RGS6: variants seen among roughly 807,000 people sequenced by gnomAD.
RGS6 encodes regulator of G-protein signaling 6.
Under a neutral mutation model 78.5 loss-of-function variants are expected in RGS6, and 30 were observed. That is an observed-to-expected ratio of 0.38 (90% confidence interval 0.29 to 0.52). RGS6 has a LOEUF of 0.52. RGS6 is among the 20% of genes least tolerant of loss of function. The probability of loss-of-function intolerance (pLI) is 0.85; values close to 1 mark genes in which losing one functional copy is unlikely to be tolerated. For synonymous variants in RGS6, 206 were observed against 206.0 expected, an observed-to-expected ratio of 1.00 and a Z score of 0.00; for missense variants, 495 against 609.7, an observed-to-expected ratio of 0.81 and a Z score of 1.98.
intron 3 of RGS6, among the ~76,000 whole-genome samples, chr14:72,451,945 T>A (rs540377994): frequency 6.6e-6 from 1 of 152,038 alleles, no homozygotes; most frequent in Non-Finnish European, 1.5e-5. Context: ...AGAGACGGGG[T>A]TTCACCATGT....
intron 2 of RGS6, among the ~76,000 whole-genome samples, chr14:72,158,793 A>G (rs1170901567): frequency 6.6e-6 from 1 of 152,238 alleles, no homozygotes; most frequent in East Asian, 1.9e-4. Flanking sequence ...AGGGAACCTA[A>G]GATTTGGGAC....
In RGS6 at chr14:71,981,164, T is replaced by A. The variant is rs923744910; in HGVS notation, c.84+16289T>A. On this transcript the variant is annotated intron_variant, in intron 2 of 17. Transcript: ENST00000553525. ...TGATTATTCTAGTTATACATTCTTC[T>A]AAATTTTTTTCAAAGTTTTCAACTT... Among the ~76,000 whole-genome samples, 3 of 149,056 alleles carry A rather than the reference T, an allele frequency of 2.0e-5. No homozygotes were observed. In the Admixed American group the frequency reaches 2.0e-4, roughly 10 times the overall value.
rs1289861857 is a variant in RGS6 at position 72,472,760 on chromosome 14, A to G, written c.537-112A>G. The G allele has an allele frequency of 6.9e-6, 5 of 729,898 alleles. No homozygotes were observed. In the Admixed American group the frequency reaches 7.0e-5, roughly 10 times the overall value. The allele number at this position is 729,898 out of a possible 1,614,324, so 45.2% of individuals were successfully genotyped here. On this transcript the variant is annotated intron_variant, in intron 8 of 17. Coordinates refer to ENST00000553525, the MANE Select transcript of RGS6 (RefSeq NM_001204424.2). ...GAGAGCAGGCACCATGCAGGTACCA[A>G]TGGCCTTGTGTTCACTTAGCCCCTA... is the stretch of plus-strand genomic sequence containing the variant.
intron 2 of RGS6, among the ~76,000 whole-genome samples, chr14:71,970,763 C>T (rs527751213): frequency 1.3e-5 from 2 of 152,216 alleles, no homozygotes; most frequent in South Asian, 2.1e-4. Flanking sequence ...GCCCACAGGC[C>T]AGCTGGGGGT....
intron 3 of RGS6, among the ~76,000 whole-genome samples, chr14:72,449,095 G>T (rs949361997): frequency 2.0e-5 from 3 of 152,176 alleles, no homozygotes; most frequent in African/African-American, 7.2e-5. Flanking sequence ...ACCCAGAGGT[G>T]CAGCAGAGGC....
the RGS6 span, among the ~76,000 whole-genome samples, chr14:71,875,559 C>T: frequency 2.7e-3 from 408 of 152,148 alleles, 1 homozygote; most frequent in Middle Eastern, 0.017. Flanking sequence ...GTCTTGCTAG[C>T]GGTCTATCAA....
chr14:71,891,832 C>A, the RGS6 span, among the ~76,000 whole-genome samples: 1 of 152,104 alleles, frequency 6.6e-6, no homozygotes, highest in African/African-American at 2.4e-5. Context: ...CCCAGCACCT[C>A]CTTGTATTTT....
the RGS6 span, among the ~76,000 whole-genome samples, chr14:71,920,837 G>A: frequency 7.6e-3 from 1,153 of 152,206 alleles, 15 homozygotes; most frequent in African/African-American, 0.027. Context: ...CACAGGCAAC[G>A]AAAGCAAAAA....
At chr14:72,160,181 C>A (rs1025250009) in intron 2 of RGS6, among the ~76,000 whole-genome samples, 4 of 152,166 alleles carry the variant, frequency 2.6e-5, no homozygotes, top group African/African-American at 9.6e-5. Flanking sequence ...CTTCCCTGGG[C>A]AACTGGAAAT....
At chr14:72,337,823 A>C (rs2076318417) in intron 2 of RGS6, among the ~76,000 whole-genome samples, 1 of 152,240 alleles carries the variant, frequency 6.6e-6, no homozygotes, top group Non-Finnish European at 1.5e-5. Flanking sequence ...AGATGCTGGT[A>C]TTTATCCCAC....
At chr14:72,299,009 T>C (rs1157228811) in intron 2 of RGS6, among the ~76,000 whole-genome samples, 2 of 152,192 alleles carry the variant, frequency 1.3e-5, no homozygotes, top group African/African-American at 4.8e-5. Context: ...TTTTGTTCTT[T>C]TCAGTCTTTG....
rs566464448 is a variant in RGS6 at position 72,540,716 on chromosome 14, G to A, written c.1422+622G>A. Reference sequence around the variant, plus strand: ...TGTGCACAGTGTGATAGGGAGAGGAGGGAAGTAGCTGAATCCCTGCGGTGT... The same window carrying A: ...TGTGCACAGTGTGATAGGGAGAGGAAGGAAGTAGCTGAATCCCTGCGGTGT... On this transcript the variant is annotated intron_variant, in intron 17 of 17. Coordinates refer to ENST00000553525, the MANE Select transcript of RGS6 (RefSeq NM_001204424.2). 76 of 1,339,166 alleles carry A rather than the reference G, an allele frequency of 5.7e-5. No homozygotes were observed. In the African/African-American group the frequency reaches 1.0e-3, roughly 18 times the overall value. 83.0% of individuals were successfully genotyped at this position (1,339,166 alleles called of 1,614,324 possible). A position where few individuals can be genotyped will look rare whatever the true frequency, so the allele number is the denominator to read the frequency against.
rs138140447 is a variant in RGS6 at position 72,041,845 on chromosome 14, T to C, written c.84+76970T>C. 5.1e-3 allele frequency among the ~76,000 whole-genome samples: 778 copies of C among 152,196 alleles called. 4 individuals are homozygous for C. Among genetic ancestry groups the C allele is most frequent in the African/African-American group, 0.016 (678 of 41,544 alleles). The stretch of plus-strand genomic sequence containing the variant: ...GCATCCTATTTTGTAATCTTACTTA[T>C]ATCACCTCCCAGGAAGATCAAATTT... On this transcript the variant is annotated intron_variant, in intron 2 of 17. Transcript: ENST00000553525.
chr14:72,445,152 TG>T (rs367904225), intron 3 of RGS6, among the ~76,000 whole-genome samples: 1 of 152,338 alleles, frequency 6.6e-6, no homozygotes, highest in African/African-American at 2.4e-5. Context: ...ACCTAATATT[TG>T]TTTAAGTAGT....
At chr14:72,400,735 A>G (rs979333442) in intron 3 of RGS6, among the ~76,000 whole-genome samples, 2 of 152,252 alleles carry the variant, frequency 1.3e-5, no homozygotes, top group Admixed American at 1.3e-4. Flanking sequence ...ACTCACTTTT[A>G]TAAAAATGGG....
At chr14:71,956,451 A>G (rs1011335765) in intron 1 of RGS6, among the ~76,000 whole-genome samples, 1 of 151,948 alleles carries the variant, frequency 6.6e-6, no homozygotes, top group South Asian at 2.1e-4. Flanking sequence ...TTACATGATC[A>G]CAAGGTCCCA....
At chr14:72,083,147 C>CCACAATT (rs2094892372) in intron 2 of RGS6, among the ~76,000 whole-genome samples, 1 of 152,146 alleles carries the variant, frequency 6.6e-6, no homozygotes, top group Non-Finnish European at 1.5e-5. Context: ...AAGGTCTCAG[C>CCACAATT]CACAATTCAC....
intron 3 of RGS6, among the ~76,000 whole-genome samples, chr14:72,411,160 C>T (rs542717742): frequency 7.9e-5 from 12 of 152,190 alleles, no homozygotes; most frequent in East Asian, 3.9e-4. Flanking sequence ...TCACCTTGGG[C>T]GGTATGGCCA....
intron 2 of RGS6, among the ~76,000 whole-genome samples, chr14:72,085,072 T>G (rs1032283288): frequency 6.6e-6 from 1 of 152,196 alleles, no homozygotes; most frequent in Non-Finnish European, 1.5e-5. Context: ...TGACCTGTTA[T>G]GAGCCTGACT....
Sources: gnomAD v4.1 joint callset for allele counts (sites outside exome capture counted in the v4.1 genomes callset) on GRCh38, gnomAD v4.1.1 for gene constraint, MANE v1.5 for transcripts, NCBI Gene and HGNC (gene_info 2026-07-23, HGNC 2026-07-21) for gene names.